DSG2: variants seen among roughly 807,000 people sequenced by gnomAD.
The protein encoded by DSG2 is desmoglein-2.
In DSG2, 45 loss-of-function variants were observed where a neutral mutation model predicts 75.6. The observed-to-expected ratio is 0.60, with a 90% CI of 0.47 to 0.76. The LOEUF is 0.76. Among genes scored for constraint, DSG2 ranks in the 30% least tolerant of loss-of-function variants. DSG2 has a pLI of 0.00. For missense variants in DSG2, 1,267 were observed against 1,357.4 expected (o/e 0.93, Z 1.05); for synonymous variants, 429 against 483.9 (o/e 0.89, Z 1.49).
intron 9 of DSG2, among the ~76,000 whole-genome samples, chr18:31,532,396 C>T (rs2073203963): frequency 6.6e-6 from 1 of 152,108 alleles, no homozygotes; most frequent in South Asian, 2.1e-4. Context: ...TATGATCATA[C>T]TGCATATTAG....
At chr18:31,522,541 T>C in intron 6 of DSG2, 1 of 238,070 alleles carries the variant, frequency 4.2e-6, no homozygotes, top group South Asian at 8.0e-5. Context: ...TTAATGTTTT[T>C]TGTGATCATT....
chr18:31,533,144 T>C (rs549307111), intron 9 of DSG2, among the ~76,000 whole-genome samples: 2 of 152,298 alleles, frequency 1.3e-5, no homozygotes, highest in African/African-American at 4.8e-5. Flanking sequence ...TCCAAATGTT[T>C]ACCTAACTAA....
chr18:31,546,319 C>T lies in DSG2; in HGVS notation c.2933C>T (p.Pro978Leu). The T allele has an allele frequency of 3.7e-6, 6 of 1,608,146 alleles. No homozygotes were observed. Among genetic ancestry groups the T allele is most frequent in the Non-Finnish European group, 4.3e-6 (5 of 1,176,244 alleles). The change falls in exon 15 of 15, where the codon CCT (proline) becomes CTT (leucine). Residue 978 changes from proline (P) to leucine (L), a missense_variant. Coordinates refer to ENST00000261590, the MANE Select transcript of DSG2 (RefSeq NM_001943.5). ...CCAGCTTCTACCTTGGTAGATCAGCCTTATGCTAATGAAGGTACAGTTGTG... is the reference window on the plus strand; with the variant it reads ...CCAGCTTCTACCTTGGTAGATCAGCTTTATGCTAATGAAGGTACAGTTGTG... ...YAPASTLVDQ[P>L]YANEGTVVVT... is the part of the protein sequence containing the mutation.
At chr18:31,520,657 A>G in intron 3 of DSG2, 146 bp from the exon 4 acceptor site, 2 of 816,986 alleles carry the variant, frequency 2.4e-6, no homozygotes, top group Non-Finnish European at 3.9e-6. Context: ...TCTGGCCTGT[A>G]TTACCAAAGA....
intron 14 of DSG2, 119 bp from the exon 15 acceptor site, chr18:31,545,602 T>C: frequency 8.2e-7 from 1 of 1,222,054 alleles, no homozygotes; most frequent in African/African-American, 1.5e-5. Flanking sequence ...TGATGGTTCC[T>C]TGTAATTAAA....
intron 9 of DSG2, among the ~76,000 whole-genome samples, chr18:31,532,014 C>T (rs1019851831): frequency 6.6e-6 from 1 of 152,226 alleles, no homozygotes; most frequent in Non-Finnish European, 1.5e-5. Flanking sequence ...CCTGCTGTCC[C>T]AGACACAACT....
intron 6 of DSG2, 172 bp downstream of exon 6, chr18:31,522,421 G>A (rs1439341316): frequency 3.1e-6 from 2 of 638,804 alleles, no homozygotes; most frequent in East Asian, 2.9e-5. Flanking sequence ...TGTGACTATT[G>A]AGCACTTAAA....
rs769741655 is a variant in DSG2 at position 31,536,277 on chromosome 18, T to G, written c.1499T>G (p.Ile500Arg). The change falls in exon 11 of 15, where the codon ATA becomes AGA. Residue 500 changes from isoleucine to arginine, a missense_variant. Transcript: ENST00000261590. The part of the protein sequence containing the change: ...EDINDNCPTL[I>R]EPVQTICHDA... ...ATCAACGACAACTGTCCCACACTGA[T>G]AGAGCCTGTGCAGACAATCTGTCAC... is the stretch of plus-strand genomic sequence containing the variant. The G allele has an allele frequency of 6.2e-7, 1 of 1,614,232 alleles. No homozygotes were observed. The highest frequency in any genetic ancestry group is 1.3e-5 in the African/African-American group (1 of 75,068).
At chr18:31,512,906 C>T (rs1488422787) in intron 1 of DSG2, among the ~76,000 whole-genome samples, 1 of 152,168 alleles carries the variant, frequency 6.6e-6, no homozygotes, top group Non-Finnish European at 1.5e-5. Context: ...CTTAACATAT[C>T]CTACAAGCTC....
chr18:31,517,476 A>G (rs1187123510), intron 1 of DSG2, among the ~76,000 whole-genome samples: 1 of 152,228 alleles, frequency 6.6e-6, no homozygotes, highest in Non-Finnish European at 1.5e-5. Context: ...ACAAGTATTT[A>G]AGGTAATTGA....
At chr18:31,514,543 T>C (rs2073083524) in intron 1 of DSG2, among the ~76,000 whole-genome samples, 1 of 152,218 alleles carries the variant, frequency 6.6e-6, no homozygotes, top group South Asian at 2.1e-4. Flanking sequence ...AAGGCAGACT[T>C]CATTGACTGT....
Position 31,535,232 on chromosome 18 carries a change from C to A in DSG2, c.1281-38C>A, listed in dbSNP as rs746701178. ...AGATGTTAGAGGTTTCCAATTCATG[C>A]AGAATTCAAAATTAATTTTATGTTT... On this transcript the variant is annotated intron_variant, in intron 9 of 14. Coordinates refer to ENST00000261590, the MANE Select transcript of DSG2 (RefSeq NM_001943.5). 2.1e-6 allele frequency: 3 copies of A among 1,405,416 alleles called. No individual in the cohort carries two copies. The East Asian group carries it at 7.0e-5, about 33-fold the overall frequency. 87.1% of individuals were successfully genotyped at this position (1,405,416 alleles called of 1,614,324 possible). A position where few individuals can be genotyped will look rare whatever the true frequency, so the allele number is the denominator to read the frequency against.
At chr18:31,509,551 G>A (rs1381014500) in intron 1 of DSG2, among the ~76,000 whole-genome samples, 2 of 151,924 alleles carry the variant, frequency 1.3e-5, no homozygotes, top group African/African-American at 2.4e-5. Flanking sequence ...CTTTTAAGTT[G>A]GAATTTTCTA....
intron 1 of DSG2, among the ~76,000 whole-genome samples, chr18:31,504,524 C>T (rs1161043911): frequency 6.6e-6 from 1 of 151,840 alleles, no homozygotes; most frequent in Non-Finnish European, 1.5e-5. Flanking sequence ...TGCAGTGCTT[C>T]TCACCCCTTT....
intron 1 of DSG2, among the ~76,000 whole-genome samples, chr18:31,505,450 TC>T (rs756422229): frequency 3.3e-5 from 5 of 152,196 alleles, no homozygotes; most frequent in Non-Finnish European, 7.3e-5. Flanking sequence ...AGTTTGATCC[TC>T]CTATTAAACT....
At chr18:31,531,737 G>T (rs2073200156) in intron 9 of DSG2, among the ~76,000 whole-genome samples, 1 of 152,172 alleles carries the variant, frequency 6.6e-6, no homozygotes, top group Non-Finnish European at 1.5e-5. Context: ...AGATTAATGA[G>T]CCTCCTACAC....
At chr18:31,541,343 G>A (rs1261560820) in intron 13 of DSG2, 29 bp downstream of exon 13, 3 of 1,613,186 alleles carry the variant, frequency 1.9e-6, no homozygotes, top group Non-Finnish European at 2.5e-6. Context: ...AATATGACTT[G>A]TCTTCTTCTT....
At chr18:31,540,979 T>A (rs2073263042) in intron 12 of DSG2, among the ~76,000 whole-genome samples, 1 of 152,178 alleles carries the variant, frequency 6.6e-6, no homozygotes, top group Non-Finnish European at 1.5e-5. Context: ...AGGCCTTGAA[T>A]CTGTAAGACT....
chr18:31,510,088 A>G (rs2073058848), intron 1 of DSG2, among the ~76,000 whole-genome samples: 1 of 152,236 alleles, frequency 6.6e-6, no homozygotes, highest in South Asian at 2.1e-4. Context: ...GTAACCAAGG[A>G]AAGAAAATAA....
Sources: gnomAD v4.1 joint callset for allele counts (sites outside exome capture counted in the v4.1 genomes callset) on GRCh38, gnomAD v4.1.1 for gene constraint, MANE v1.5 for transcripts, NCBI Gene and HGNC (gene_info 2026-07-23, HGNC 2026-07-21) for gene names.